NRCAM: variants seen among roughly 807,000 people sequenced by gnomAD.
The protein encoded by NRCAM is neuronal cell adhesion molecule.
Under a neutral mutation model 156.5 loss-of-function variants are expected in NRCAM, and 83 were observed. That is an observed-to-expected ratio of 0.53 (90% confidence interval 0.44 to 0.64). The LOEUF (loss-of-function observed/expected upper bound fraction) is 0.64. Ranked by LOEUF, NRCAM falls within the 30% of genes least tolerant of loss-of-function variation. The pLI is 0.00. For synonymous variants in NRCAM, 538 were observed against 563.9 expected, an observed-to-expected ratio of 0.95 and a Z score of 0.65; for missense variants, 1,417 against 1,597.3, an observed-to-expected ratio of 0.89 and a Z score of 1.92.
At chr7:108,283,547 G>T (rs1008573406) in intron 3 of NRCAM, among the ~76,000 whole-genome samples, 5 of 152,172 alleles carry the variant, frequency 3.3e-5, no homozygotes, top group African/African-American at 1.2e-4. Context: ...GGTTCAATTC[G>T]ACAGATGTCA....
intron 1 of NRCAM, among the ~76,000 whole-genome samples, chr7:108,434,223 G>A (rs554506673): frequency 6.6e-6 from 1 of 152,160 alleles, no homozygotes; most frequent in East Asian, 1.9e-4. Flanking sequence ...ACTCAACCAG[G>A]GCAGGACAGA....
Position 108,207,660 on chromosome 7 carries a change from C to T in NRCAM, c.1076-1G>A. ...GGGGCTGTGATCCAGTATGGAGCCGCTTTATAGGAGGAAGAAAAAAGACCA... is the reference window on the plus strand; with the variant it reads ...GGGGCTGTGATCCAGTATGGAGCCGTTTTATAGGAGGAAGAAAAAAGACCA... On this transcript the variant is annotated splice_acceptor_variant, in intron 12 of 32. Coordinates refer to ENST00000379028, the MANE Select transcript of NRCAM (RefSeq NM_001037132.4). LOFTEE classifies it high-confidence loss of function. 2 of 1,594,736 alleles carry T rather than the reference C, an allele frequency of 1.3e-6. No individual in the cohort carries two copies. Among genetic ancestry groups the T allele is most frequent in the Non-Finnish European group, 1.7e-6 (2 of 1,173,474 alleles).
chr7:108,167,455 TG>T (rs1201118378), intron 29 of NRCAM, among the ~76,000 whole-genome samples: 2 of 139,312 alleles, frequency 1.4e-5, no homozygotes, highest in African/African-American at 3.3e-5. Context: ...TGGGAAGAAT[TG>T]TTTTTTTATG....
At chr7:108,217,899 G>C (rs1232534928) in intron 11 of NRCAM, among the ~76,000 whole-genome samples, 1 of 152,114 alleles carries the variant, frequency 6.6e-6, no homozygotes, top group Non-Finnish European at 1.5e-5. Flanking sequence ...TGGCTCCCTG[G>C]CTTCAGCTCC....
intron 3 of NRCAM, among the ~76,000 whole-genome samples, chr7:108,259,834 G>T (rs2096825422): frequency 6.6e-6 from 1 of 152,038 alleles, no homozygotes; most frequent in African/African-American, 2.4e-5. Flanking sequence ...CACACACTGG[G>T]GCCTGTCGGC....
rs555835146 is a variant in NRCAM at position 108,303,292 on chromosome 7, TCAC to T, written c.-107+9370_-107+9372del. ...GGTACATTTTCTACTCTGGTCAGTA[TCAC>T]CACCATCTGTCCAGTCTCTAATGGC... On this transcript the variant is annotated intron_variant, in intron 3 of 32. Coordinates refer to ENST00000379028, the MANE Select transcript of NRCAM (RefSeq NM_001037132.4). 5.3e-4 allele frequency among the ~76,000 whole-genome samples: 80 copies of T among 152,226 alleles called. 3 individuals carry two copies. In the South Asian group the frequency reaches 0.016, roughly 30 times the overall value.
intron 2 of NRCAM, among the ~76,000 whole-genome samples, chr7:108,322,381 G>C (rs1410825629): frequency 3.3e-5 from 5 of 152,210 alleles, no homozygotes; most frequent in Non-Finnish European, 5.9e-5. Context: ...ACAAAATAAA[G>C]TGGTTTCCAA....
chr7:108,302,447 G>A (rs1321328072), intron 3 of NRCAM, among the ~76,000 whole-genome samples: 9 of 152,090 alleles, frequency 5.9e-5, no homozygotes, highest in Non-Finnish European at 1.3e-4. Context: ...GACAAACTGG[G>A]ATGACCAGTT....
At chr7:108,222,166 T>A (rs1032262900) in intron 11 of NRCAM, among the ~76,000 whole-genome samples, 1 of 152,204 alleles carries the variant, frequency 6.6e-6, no homozygotes. Context: ...GCATCTCAGA[T>A]GATATGAAGG....
chr7:108,326,639 G>A (rs1374043865), intron 2 of NRCAM, among the ~76,000 whole-genome samples: 2 of 152,124 alleles, frequency 1.3e-5, no homozygotes, highest in Non-Finnish European at 2.9e-5. Context: ...AGGAAGACGT[G>A]GCAAGTGAAT....
intron 1 of NRCAM, among the ~76,000 whole-genome samples, chr7:108,439,672 T>C (rs1380696322): frequency 6.6e-6 from 1 of 151,780 alleles, no homozygotes; most frequent in African/African-American, 2.4e-5. Flanking sequence ...CTATCTCTAC[T>C]AAAAATACAA....
rs535087298 is a variant in NRCAM, at chr7:108,229,562, C to T, written c.550+1469G>A. On this transcript the variant is annotated intron_variant, in intron 8 of 32. Coordinates refer to ENST00000379028, the MANE Select transcript of NRCAM (RefSeq NM_001037132.4). ...ATGAGTTCTTCACCTCTGGAGGGCTCCTGGTCTCAGTCTCCCAGACTCTGC... is the reference window on the plus strand; with the variant it reads ...ATGAGTTCTTCACCTCTGGAGGGCTTCTGGTCTCAGTCTCCCAGACTCTGC... Among the ~76,000 whole-genome samples the T allele has an allele frequency of 3.4e-4, 52 of 152,298 alleles. 1 individual carries two copies. Among genetic ancestry groups the T allele is most frequent in the African/African-American group, 1.3e-3 (52 of 41,570 alleles).
chr7:108,449,105 G>T (rs1847606399), intron 1 of NRCAM, among the ~76,000 whole-genome samples: 1 of 152,208 alleles, frequency 6.6e-6, no homozygotes, highest in African/African-American at 2.4e-5. Context: ...GCGTACAGCA[G>T]CAAACTGAAC....
At chr7:108,180,169 C>T in intron 25 of NRCAM, 54 bp downstream of exon 25, 1 of 1,536,948 alleles carries the variant, frequency 6.5e-7, no homozygotes, top group Non-Finnish European at 9.0e-7. Context: ...CAGGCAAAAC[C>T]TCTCAGGCCA....
intron 2 of NRCAM, among the ~76,000 whole-genome samples, chr7:108,366,195 T>G (rs1484317212): frequency 6.6e-6 from 1 of 152,198 alleles, no homozygotes; most frequent in Admixed American, 6.5e-5. Flanking sequence ...GAAATAAATT[T>G]CTGTTCTTTA....
rs796654844 is a variant in NRCAM at position 108,443,891 on chromosome 7, GATACATAC to G, written c.-332+12344_-332+12351del. On this transcript the variant is annotated intron_variant, in intron 1 of 32. Coordinates refer to ENST00000379028, the MANE Select transcript of NRCAM (RefSeq NM_001037132.4). ...CAAAGTATACAGATATAGATAGATA[GATACATAC>G]ATACATACATACATACATACATACA... is the stretch of plus-strand genomic sequence containing the variant. 1.5e-3 allele frequency among the ~76,000 whole-genome samples: 216 copies of G among 145,902 alleles called. 1 individual carries two copies. The highest frequency in any genetic ancestry group is 3.9e-3 in the South Asian group (18 of 4,664).
rs139001679 is a variant in NRCAM at position 108,154,179 on chromosome 7, A to G, written c.3678-4032T>C. Among the ~76,000 whole-genome samples the G allele has an allele frequency of 5.3e-5, 8 of 152,294 alleles. No individual in the cohort carries two copies. The East Asian group carries it at 1.4e-3, about 26-fold the overall frequency. On this transcript the variant is annotated intron_variant, in intron 32 of 32. Coordinates refer to ENST00000379028, the MANE Select transcript of NRCAM (RefSeq NM_001037132.4). ...CAGATATCAAGACTTATTAAAACCTATATTATTAAGACATTATAGTCTTGG... is the reference window on the plus strand; with the variant it reads ...CAGATATCAAGACTTATTAAAACCTGTATTATTAAGACATTATAGTCTTGG...
At chr7:108,360,156 A>C (rs915218807) in intron 2 of NRCAM, among the ~76,000 whole-genome samples, 1 of 152,200 alleles carries the variant, frequency 6.6e-6, no homozygotes, top group African/African-American at 2.4e-5. Context: ...TTATCTGTAG[A>C]AATGTACAAA....
chr7:108,202,880 C>T (rs186331187), intron 13 of NRCAM, among the ~76,000 whole-genome samples: 3 of 152,218 alleles, frequency 2.0e-5, no homozygotes, highest in East Asian at 1.9e-4. Flanking sequence ...ATCTTATCCA[C>T]GTTTCATGCA....
Sources: gnomAD v4.1 joint callset for allele counts (sites outside exome capture counted in the v4.1 genomes callset) on GRCh38, gnomAD v4.1.1 for gene constraint, MANE v1.5 for transcripts, NCBI Gene and HGNC (gene_info 2026-07-23, HGNC 2026-07-21) for gene names.